SPATA17: variants seen among roughly 807,000 people sequenced by gnomAD.
SPATA17 encodes the protein spermatogenesis-associated protein 17.
Under a neutral mutation model 62.2 loss-of-function variants are expected in SPATA17, and 53 were observed. The observed-to-expected ratio is 0.85, with a 90% CI of 0.68 to 1.07. The LOEUF (loss-of-function observed/expected upper bound fraction) is 1.07. Ranked by LOEUF, SPATA17 falls within the 50% of genes least tolerant of loss-of-function variation. SPATA17 has a pLI of 0.00. For missense variants in SPATA17, 466 were observed against 425.5 expected (o/e 1.10, Z -0.84); for synonymous variants, 146 against 146.8 (o/e 0.99, Z 0.04).
intron 1 of SPATA17, among the ~76,000 whole-genome samples, chr1:217,634,464 A>T (rs1237027111): frequency 6.6e-6 from 1 of 152,062 alleles, no homozygotes; most frequent in Non-Finnish European, 1.5e-5. Context: ...GGTCAGAGCC[A>T]GTTTATCAAT....
chr1:217,749,985 C>CTCTCTCTATATA lies in SPATA17; in HGVS notation c.519+7888_519+7889insCTCTCTATATAT. ...TCTCTCTCTCTCTCTCTCTCTCTCT[C>CTCTCTCTATATA]TATATATATATATATATATATATAT... is the stretch of plus-strand genomic sequence containing the variant. On this transcript the variant is annotated intron_variant, in intron 6 of 10. Transcript: ENST00000366933. Among the ~76,000 whole-genome samples, 41 of 12,312 alleles carry CTCTCTCTATATA rather than the reference C, an allele frequency of 3.3e-3. 2 individuals carry two copies. Among genetic ancestry groups the CTCTCTCTATATA allele is most frequent in the Admixed American group, 6.8e-3 (7 of 1,026 alleles). The allele number at this position is 12,312 out of a possible 152,430, so 8.1% of individuals were successfully genotyped here. A position where few individuals can be genotyped will look rare whatever the true frequency, so the allele number is the denominator to read the frequency against.
At position 217,717,861 on chromosome 1, in the gene SPATA17, C is replaced by T. The variant is rs1031575454; in HGVS notation, c.396-24114C>T. Among the ~76,000 whole-genome samples the T allele has an allele frequency of 4.6e-5, 7 of 152,246 alleles. No homozygotes were observed. In the South Asian group the frequency reaches 1.2e-3, roughly 27 times the overall value. ...GAGACAGAAGTTAATAACTGCTTTG[C>T]TAACAGAGATGCTCAACATGTACAA... is the stretch of plus-strand genomic sequence containing the variant. On this transcript the variant is annotated intron_variant, in intron 5 of 10. Coordinates refer to ENST00000366933, the MANE Select transcript of SPATA17 (RefSeq NM_138796.4).
intron 9 of SPATA17, among the ~76,000 whole-genome samples, chr1:217,844,935 A>G (rs61827092): frequency 0.03 from 4,491 of 152,198 alleles, 105 homozygotes; most frequent in Middle Eastern, 0.065. Flanking sequence ...ATTCTAAAGT[A>G]TGATGTTCAT....
intron 8 of SPATA17, among the ~76,000 whole-genome samples, chr1:217,787,278 G>A (rs369747611): frequency 4.9e-4 from 74 of 152,222 alleles, no homozygotes; most frequent in African/African-American, 1.6e-3. Context: ...AAGCACTAAA[G>A]AGATTCGATT....
At chr1:217,737,144 T>C (rs777348719) in intron 5 of SPATA17, among the ~76,000 whole-genome samples, 14 of 152,218 alleles carry the variant, frequency 9.2e-5, no homozygotes, top group Non-Finnish European at 1.6e-4. Context: ...ATTCTAACTC[T>C]GTCACTTTCT....
intron 1 of SPATA17, among the ~76,000 whole-genome samples, chr1:217,648,382 A>T (rs1670236746): frequency 6.6e-6 from 1 of 152,118 alleles, no homozygotes; most frequent in African/African-American, 2.4e-5. Flanking sequence ...GCCTCCTTTA[A>T]TTAAACAGAC....
At chr1:217,726,756 T>C (rs182142074) in intron 5 of SPATA17, among the ~76,000 whole-genome samples, 1 of 152,098 alleles carries the variant, frequency 6.6e-6, no homozygotes, top group African/African-American at 2.4e-5. Context: ...AAAAGGGTTA[T>C]AGGCAAAAGA....
At chr1:217,762,829 G>C (rs1558040300) in intron 6 of SPATA17, among the ~76,000 whole-genome samples, 1 of 152,232 alleles carries the variant, frequency 6.6e-6, no homozygotes, top group East Asian at 1.9e-4. Context: ...AAAATTAGCT[G>C]GGCGTGGTGG....
intron 6 of SPATA17, among the ~76,000 whole-genome samples, chr1:217,773,676 A>T (rs1056527326): frequency 6.6e-6 from 1 of 152,150 alleles, no homozygotes; most frequent in Non-Finnish European, 1.5e-5. Context: ...CAGCAAGGAT[A>T]ATACTACAGA....
At chr1:217,642,943 C>T (rs1670098258) in intron 1 of SPATA17, among the ~76,000 whole-genome samples, 1 of 152,136 alleles carries the variant, frequency 6.6e-6, no homozygotes. Flanking sequence ...CCCCTAGAAC[C>T]ATCCATTTTT....
intron 8 of SPATA17, among the ~76,000 whole-genome samples, chr1:217,788,515 G>A (rs548773969): frequency 1.4e-4 from 22 of 152,114 alleles, no homozygotes; most frequent in East Asian, 1.2e-3. Flanking sequence ...ATCAGAGTGC[G>A]GCCAGTTTTG....
At chr1:217,844,557 A>G (rs1292436907) in intron 9 of SPATA17, among the ~76,000 whole-genome samples, 1 of 152,122 alleles carries the variant, frequency 6.6e-6, no homozygotes, top group African/African-American at 2.4e-5. Context: ...ATCTTCAATC[A>G]TGATACAGTC....
chr1:217,782,115 T>C, intron 7 of SPATA17, 59 bp from the exon 8 acceptor site: 1 of 1,472,674 alleles, frequency 6.8e-7, no homozygotes, highest in South Asian at 1.5e-5. Flanking sequence ...GCCTTGGTCA[T>C]CAGTAATACC....
chr1:217,650,640 T>C (rs1571705200), intron 2 of SPATA17, among the ~76,000 whole-genome samples: 1 of 152,178 alleles, frequency 6.6e-6, no homozygotes, highest in South Asian at 2.1e-4. Context: ...GCCAGGCTGG[T>C]CTCAAACTCC....
chr1:217,704,401 C>T (rs1671685732), intron 5 of SPATA17, among the ~76,000 whole-genome samples: 1 of 150,836 alleles, frequency 6.6e-6, no homozygotes, highest in African/African-American at 2.4e-5. Context: ...CAGGCGCCCG[C>T]CACCGCGCCC....
chr1:217,682,376 A>C (rs1386511638), intron 4 of SPATA17, among the ~76,000 whole-genome samples: 1 of 152,032 alleles, frequency 6.6e-6, no homozygotes, highest in African/African-American at 2.4e-5. Flanking sequence ...AAAAAAAAAA[A>C]ACACCCTACT....
chr1:217,684,671 C>T, intron 5 of SPATA17, among the ~76,000 whole-genome samples: 1 of 152,278 alleles, frequency 6.6e-6, no homozygotes, highest in East Asian at 1.9e-4. Context: ...CCACCTCGGC[C>T]TCCCAAAGTG....
intron 9 of SPATA17, among the ~76,000 whole-genome samples, chr1:217,845,998 G>C (rs923733753): frequency 2.0e-5 from 3 of 152,040 alleles, no homozygotes; most frequent in Non-Finnish European, 2.9e-5. Context: ...TCTTCTGCTA[G>C]CCCAATTAAC....
At chr1:217,765,170 T>G (rs1428682541) in intron 6 of SPATA17, among the ~76,000 whole-genome samples, 3 of 151,788 alleles carry the variant, frequency 2.0e-5, no homozygotes, top group East Asian at 3.9e-4. Context: ...TTTTTTTTTG[T>G]TTGCCTGGAT....
Sources: allele counts gnomAD v4.1 joint callset (sites outside exome capture counted in the v4.1 genomes callset), GRCh38; gene constraint gnomAD v4.1.1; transcripts MANE v1.5; gene names NCBI Gene and HGNC (gene_info 2026-07-23, HGNC 2026-07-21).